Variants in RANBP2 observed in about 807,000 individuals in gnomAD.
The protein encoded by RANBP2 is RAN binding protein 2.
Under a neutral mutation model 303.6 loss-of-function variants are expected in RANBP2, and 57 were observed. The ratio of observed to expected loss-of-function variants is 0.19; its 90% CI spans 0.15 to 0.23. The LOEUF (loss-of-function observed/expected upper bound fraction) is 0.23, where lower values mean the gene tolerates loss of function less well. Ranked by LOEUF, RANBP2 falls within the 10% of genes least tolerant of loss-of-function variation. The pLI is 1.00. For missense variants in RANBP2, 3,138 were observed against 3,780.8 expected, an observed-to-expected ratio of 0.83 and a Z score of 4.46; for synonymous variants, 1,167 against 1,301.5, an observed-to-expected ratio of 0.90 and a Z score of 2.23.
chr2:109,184,607 T>C, the RANBP2 span, among the ~76,000 whole-genome samples: 1 of 152,138 alleles, frequency 6.6e-6, no homozygotes, highest in Admixed American at 6.5e-5. Context: ...GCTGGGGTGC[T>C]CCTGTGCCTC....
At chr2:109,694,024 T>C in the RANBP2 span, among the ~76,000 whole-genome samples, 5 of 152,222 alleles carry the variant, frequency 3.3e-5, no homozygotes, top group Admixed American at 2.6e-4. Flanking sequence ...CCTGTGTGTG[T>C]GCATGTGTGT....
At chr2:108,986,874 T>G in the RANBP2 span, among the ~76,000 whole-genome samples, 2 of 152,240 alleles carry the variant, frequency 1.3e-5, no homozygotes, top group African/African-American at 2.4e-5. Flanking sequence ...AAAGGCTGGC[T>G]GGGGCTTTTG....
At chr2:109,196,075 C>A in the RANBP2 span, among the ~76,000 whole-genome samples, 2 of 152,216 alleles carry the variant, frequency 1.3e-5, no homozygotes, top group Non-Finnish European at 2.9e-5. Context: ...CCAGAGGGAA[C>A]GCAGACCACC....
the RANBP2 span, among the ~76,000 whole-genome samples, chr2:109,439,823 G>A: frequency 7.2e-5 from 11 of 152,030 alleles, no homozygotes; most frequent in East Asian, 3.9e-4. Flanking sequence ...TTTCCACCCC[G>A]GTTAGAGAGA....
the RANBP2 span, among the ~76,000 whole-genome samples, chr2:108,996,766 G>A: frequency 2.0e-5 from 3 of 151,992 alleles, no homozygotes; most frequent in East Asian, 5.8e-4. Context: ...ATCATAGCTC[G>A]TTTCTTGCTC....
chr2:109,020,182 T>C, the RANBP2 span, among the ~76,000 whole-genome samples: 2 of 152,144 alleles, frequency 1.3e-5, no homozygotes, highest in East Asian at 1.9e-4. Context: ...TGGAAACATA[T>C]AAAACACCAT....
chr2:109,173,841 G>C, the RANBP2 span, among the ~76,000 whole-genome samples: 1 of 152,214 alleles, frequency 6.6e-6, no homozygotes, highest in Non-Finnish European at 1.5e-5. Context: ...GTCGTCCTTG[G>C]AATTGGATGT....
At chr2:109,430,921 C>G in the RANBP2 span, among the ~76,000 whole-genome samples, 1 of 152,152 alleles carries the variant, frequency 6.6e-6, no homozygotes, top group Non-Finnish European at 1.5e-5. Context: ...TGAGGGACAC[C>G]TATCAACAAA....
chr2:109,110,466 C>T, the RANBP2 span, among the ~76,000 whole-genome samples: 4 of 152,244 alleles, frequency 2.6e-5, no homozygotes, highest in Non-Finnish European at 4.4e-5. Context: ...GGAATATTTG[C>T]GAGCTCCCTT....
At chr2:108,875,081 TTAAAA>T in the RANBP2 span, among the ~76,000 whole-genome samples, 6 of 152,098 alleles carry the variant, frequency 3.9e-5, no homozygotes, top group East Asian at 9.7e-4. Context: ...CAAGCAGATC[TTAAAA>T]TAAATCTTTA....
chr2:109,631,680 T>TG, the RANBP2 span, among the ~76,000 whole-genome samples: 1 of 151,928 alleles, frequency 6.6e-6, no homozygotes, highest in Non-Finnish European at 1.5e-5. Flanking sequence ...CGCTTGAACC[T>TG]GGGAGGCAGA....
At chr2:109,692,432 G>C in the RANBP2 span, among the ~76,000 whole-genome samples, 1 of 152,182 alleles carries the variant, frequency 6.6e-6, no homozygotes, top group African/African-American at 2.4e-5. Context: ...GTTTACCTTA[G>C]GGGGTGGTTT....
chr2:109,434,030 C>T, the RANBP2 span, among the ~76,000 whole-genome samples: 1 of 152,214 alleles, frequency 6.6e-6, no homozygotes, highest in African/African-American at 2.4e-5. Context: ...ATTTCCCATG[C>T]CAGTAGGAAC....
At chr2:109,583,529 C>A in the RANBP2 span, among the ~76,000 whole-genome samples, 2 of 152,100 alleles carry the variant, frequency 1.3e-5, no homozygotes, top group Non-Finnish European at 2.9e-5. Flanking sequence ...AATGCTTGTA[C>A]CCTGCTGGTG....
chr2:109,549,271 G>A, the RANBP2 span, among the ~76,000 whole-genome samples: 63 of 152,310 alleles, frequency 4.1e-4, no homozygotes, highest in African/African-American at 1.4e-3. Context: ...CACATGACTA[G>A]AGATAGCTCT....
chr2:109,565,264 C>A, the RANBP2 span, among the ~76,000 whole-genome samples: 1 of 151,930 alleles, frequency 6.6e-6, no homozygotes, highest in Non-Finnish European at 1.5e-5. Context: ...AATCTATTCA[C>A]CATTAATTAG....
the RANBP2 span, among the ~76,000 whole-genome samples, chr2:109,021,522 C>CAAA: frequency 1.8e-5 from 1 of 54,740 alleles, no homozygotes; most frequent in South Asian, 7.6e-4. Context: ...GACTCCGTCT[C>CAAA]AGAAAAAAAA....
the RANBP2 span, among the ~76,000 whole-genome samples, chr2:109,131,188 G>A: frequency 6.6e-6 from 1 of 152,020 alleles, no homozygotes; most frequent in Non-Finnish European, 1.5e-5. Context: ...CTAAGGTTAA[G>A]GTTAGGAACT....
the RANBP2 span, among the ~76,000 whole-genome samples, chr2:109,202,280 C>T: frequency 6.6e-6 from 1 of 152,158 alleles, no homozygotes; most frequent in South Asian, 2.1e-4. Context: ...AGGTCCATCT[C>T]GGCAGCGTCT....
Sources: gnomAD v4.1 joint callset for allele counts (sites outside exome capture counted in the v4.1 genomes callset) on GRCh38, gnomAD v4.1.1 for gene constraint, MANE v1.5 for transcripts, NCBI Gene and HGNC (gene_info 2026-07-23, HGNC 2026-07-21) for gene names.